AUTS2: variants seen among roughly 807,000 people sequenced by gnomAD.
AUTS2 encodes the protein activator of transcription and developmental regulator AUTS2, also known as autism susceptibility gene 2 protein.
In AUTS2, 17 loss-of-function variants were observed where a neutral mutation model predicts 112.4. The observed-to-expected ratio is 0.15, with a 90% CI of 0.10 to 0.23. AUTS2 has a LOEUF of 0.23. Among genes scored for constraint, AUTS2 ranks in the 10% least tolerant of loss-of-function variants. The pLI, the probability that AUTS2 is intolerant of heterozygous loss-of-function variation, is 1.00. For missense variants in AUTS2, 1,510 were observed against 1,701.6 expected (o/e 0.89, Z 1.98); for synonymous variants, 751 against 702.7 (o/e 1.07, Z -1.09).
At chr7:70,776,058 T>C (rs962607425) in intron 13 of AUTS2, among the ~76,000 whole-genome samples, 2 of 152,190 alleles carry the variant, frequency 1.3e-5, no homozygotes, top group Non-Finnish European at 2.9e-5. Context: ...AAAAGGAGAA[T>C]TGTGTCATCA....
At chr7:69,946,857 C>G (rs557368168) in intron 2 of AUTS2, among the ~76,000 whole-genome samples, 1 of 152,156 alleles carries the variant, frequency 6.6e-6, no homozygotes, top group Admixed American at 6.5e-5. Context: ...TGTTTCTTTT[C>G]GTCTGGTTGG....
intron 1 of AUTS2, among the ~76,000 whole-genome samples, chr7:69,749,372 CGAAAA>C (rs1347143685): frequency 1.3e-5 from 2 of 152,128 alleles, no homozygotes; most frequent in Non-Finnish European, 2.9e-5. Context: ...TTCATCTCCT[CGAAAA>C]GAAATCTGTA....
intron 1 of AUTS2, among the ~76,000 whole-genome samples, chr7:69,893,808 A>C (rs1325059370): frequency 1.3e-5 from 2 of 152,200 alleles, no homozygotes; most frequent in Admixed American, 6.5e-5. Context: ...GGAGCCCTGC[A>C]GCTTACATAG....
intron 4 of AUTS2, among the ~76,000 whole-genome samples, chr7:70,181,989 G>A (rs981873215): frequency 2.4e-4 from 36 of 147,970 alleles, no homozygotes; most frequent in Admixed American, 9.6e-4. Flanking sequence ...TAGTAGAGAC[G>A]GTATTTCATC....
At chr7:69,762,521 C>G (rs1788236823) in intron 1 of AUTS2, among the ~76,000 whole-genome samples, 1 of 151,838 alleles carries the variant, frequency 6.6e-6, no homozygotes. Context: ...GTTGCCCAAG[C>G]TGGTCTCAAA....
chr7:70,352,477 G>A (rs762656146), intron 4 of AUTS2, among the ~76,000 whole-genome samples: 13 of 151,996 alleles, frequency 8.6e-5, no homozygotes, highest in African/African-American at 1.2e-4. Flanking sequence ...GAAAGGGAGC[G>A]TCAGGAGGGG....
chr7:70,522,531 C>T (rs1383864754), intron 5 of AUTS2, among the ~76,000 whole-genome samples: 1 of 152,160 alleles, frequency 6.6e-6, no homozygotes, highest in Non-Finnish European at 1.5e-5. Context: ...ATTTAGCTTC[C>T]ACTTACAAGG....
At chr7:69,914,390 C>CACACAA (rs1554403939) in intron 2 of AUTS2, among the ~76,000 whole-genome samples, 1 of 151,166 alleles carries the variant, frequency 6.6e-6, no homozygotes, top group Non-Finnish European at 1.5e-5. Context: ...CACACACACA[C>CACACAA]ACACAAACAA....
intron 5 of AUTS2, among the ~76,000 whole-genome samples, chr7:70,609,567 T>G (rs1460743102): frequency 6.9e-5 from 10 of 145,438 alleles, no homozygotes; most frequent in Admixed American, 6.8e-4. Flanking sequence ...GCTAATTTTG[T>G]TTTTTTTGTT....
At chr7:70,347,779 T>C (rs575468834) in intron 4 of AUTS2, among the ~76,000 whole-genome samples, 1 of 152,274 alleles carries the variant, frequency 6.6e-6, no homozygotes, top group East Asian at 1.9e-4. Context: ...CCCACACTTC[T>C]GTGTCAGGGA....
At chr7:69,804,519 T>TA (rs1231743190) in intron 1 of AUTS2, among the ~76,000 whole-genome samples, 2 of 152,210 alleles carry the variant, frequency 1.3e-5, no homozygotes, top group African/African-American at 4.8e-5. Context: ...TAAGAGTCAG[T>TA]AAAGAGCTGC....
chr7:70,457,189 A>T (rs536384694), intron 5 of AUTS2, among the ~76,000 whole-genome samples: 118 of 152,298 alleles, frequency 7.7e-4, no homozygotes, highest in African/African-American at 2.8e-3. Flanking sequence ...AGTGGAAACT[A>T]CAATAACTGA....
Position 69,999,473 on chromosome 7 carries a change from A to G in AUTS2, c.522+99975A>G, listed in dbSNP as rs573759172. 5.9e-5 allele frequency among the ~76,000 whole-genome samples: 9 copies of G among 152,346 alleles called. No homozygotes were observed. The East Asian group carries it at 1.5e-3, about 26-fold the overall frequency. Reference sequence around the variant, plus strand: ...TGACTAACACATTAAATTCTGAAGTACCACATAAATATGACTTATTTTTGC... The same window carrying G: ...TGACTAACACATTAAATTCTGAAGTGCCACATAAATATGACTTATTTTTGC... On this transcript the variant is annotated intron_variant, in intron 2 of 18. Coordinates refer to ENST00000342771, the MANE Select transcript of AUTS2 (RefSeq NM_015570.4).
chr7:70,420,051 A>G (rs1249670921), intron 4 of AUTS2, among the ~76,000 whole-genome samples: 1 of 152,202 alleles, frequency 6.6e-6, no homozygotes, highest in African/African-American at 2.4e-5. Context: ...TCCTGGGGCT[A>G]TGAGGCGGCT....
rs528516480 is a variant in AUTS2 at position 70,627,567 on chromosome 7, A to G, written c.691-71002A>G. Among the ~76,000 whole-genome samples the G allele has an allele frequency of 4.5e-4, 69 of 152,342 alleles. No homozygotes were observed. The South Asian group carries it at 9.3e-3, about 21-fold the overall frequency. ...TTAATCAGCACCAGCTCATTATTCCATCTCTGCCAACACTCAATCACAATT... is the reference window on the plus strand; with the variant it reads ...TTAATCAGCACCAGCTCATTATTCCGTCTCTGCCAACACTCAATCACAATT... On this transcript the variant is annotated intron_variant, in intron 5 of 18. Coordinates refer to ENST00000342771, the MANE Select transcript of AUTS2 (RefSeq NM_015570.4).
intron 3 of AUTS2, among the ~76,000 whole-genome samples, chr7:70,127,538 C>T (rs1288079539): frequency 6.6e-6 from 1 of 152,180 alleles, no homozygotes; most frequent in African/African-American, 2.4e-5. Context: ...TGGAAGTAAA[C>T]TTCTTTAATG....
chr7:69,724,631 A>G (rs1786416234), intron 1 of AUTS2, among the ~76,000 whole-genome samples: 2 of 152,214 alleles, frequency 1.3e-5, no homozygotes, highest in African/African-American at 4.8e-5. Context: ...GCTGAGCTGA[A>G]TGAAAAAGAT....
rs188249954 is a variant in AUTS2, at chr7:70,266,449, G to A, written c.660+131878G>A. Among the ~76,000 whole-genome samples, 340 of 152,232 alleles carry A rather than the reference G, an allele frequency of 2.2e-3. 1 individual carries two copies. Among genetic ancestry groups the A allele is most frequent in the Non-Finnish European group, 3.6e-3 (242 of 68,016 alleles). ...TCTGGAATCAGACAGTGGTGGGGTT[G>A]CACAACCTTGAAAACTACTGAAAAC... On this transcript the variant is annotated intron_variant, in intron 4 of 18. Coordinates refer to ENST00000342771, the MANE Select transcript of AUTS2 (RefSeq NM_015570.4).
intron 2 of AUTS2, among the ~76,000 whole-genome samples, chr7:69,932,383 T>A (rs1382791202): frequency 6.6e-6 from 1 of 152,080 alleles, no homozygotes; most frequent in Non-Finnish European, 1.5e-5. Context: ...ATGGAAGTCA[T>A]TTTTCAGGAG....
Sources: allele counts gnomAD v4.1 joint callset (sites outside exome capture counted in the v4.1 genomes callset), GRCh38; gene constraint gnomAD v4.1.1; transcripts MANE v1.5; gene names NCBI Gene and HGNC (gene_info 2026-07-23, HGNC 2026-07-21).